The following UGT2B4 variants were observed in gnomAD, a reference collection of about 807,000 sequenced individuals.
The protein encoded by UGT2B4 is UDP-glucuronosyltransferase 2B4.
In UGT2B4, 49 loss-of-function variants were observed where a neutral mutation model predicts 49.8. That is an observed-to-expected ratio of 0.98 (90% CI 0.78 to 1.25). UGT2B4 has a LOEUF of 1.25. UGT2B4 is among the 50% of genes most tolerant of loss of function. UGT2B4 has a pLI of 0.00. For synonymous variants in UGT2B4, 246 were observed against 217.7 expected, an observed-to-expected ratio of 1.13 and a Z score of -1.14; for missense variants, 729 against 627.7, an observed-to-expected ratio of 1.16 and a Z score of -1.73.
chr4:69,501,236 A>G (rs1728311121), intron 1 of UGT2B4, among the ~76,000 whole-genome samples: 1 of 130,298 alleles, frequency 7.7e-6, no homozygotes, highest in Non-Finnish European at 1.6e-5. Flanking sequence ...GAGAGTCCAG[A>G]TGAACTGGGC....
chr4:69,485,691 ATG>A (rs1727761187), intron 4 of UGT2B4, among the ~76,000 whole-genome samples: 1 of 47,094 alleles, frequency 2.1e-5, no homozygotes, highest in Non-Finnish European at 4.6e-5. Context: ...AGGAAACATC[ATG>A]TGCAGAAAAG....
At chr4:69,509,922 A>G (rs1016562257) in intron 1 of UGT2B4, among the ~76,000 whole-genome samples, 2 of 152,126 alleles carry the variant, frequency 1.3e-5, no homozygotes, top group African/African-American at 4.8e-5. Flanking sequence ...ATTCAAAAAA[A>G]TTGTCCAGAC....
intron 1 of UGT2B4, among the ~76,000 whole-genome samples, chr4:69,509,170 A>ATT (rs3075675): frequency 0.023 from 2,716 of 119,716 alleles, 146 homozygotes; most frequent in African/African-American, 0.049. Flanking sequence ...TGGAATTTCT[A>ATT]TTTTTTTTTT....
chr4:69,491,762 A>T (rs1367324168), intron 2 of UGT2B4, among the ~76,000 whole-genome samples: 1 of 151,938 alleles, frequency 6.6e-6, no homozygotes, highest in African/African-American at 2.4e-5. Flanking sequence ...CCTTAATGTG[A>T]GTGGGGAAAT....
chr4:69,509,482 C>G (rs527491642), intron 1 of UGT2B4, among the ~76,000 whole-genome samples: 2 of 152,098 alleles, frequency 1.3e-5, no homozygotes, highest in Non-Finnish European at 2.9e-5. Context: ...TTCTCCATAT[C>G]CAAGCCAACA....
At chr4:69,513,397 TGTG>T (rs1728655472) in intron 1 of UGT2B4, among the ~76,000 whole-genome samples, 1 of 152,134 alleles carries the variant, frequency 6.6e-6, no homozygotes, top group Non-Finnish European at 1.5e-5. Context: ...TGGTTGTAGG[TGTG>T]CAGTCTTATT....
intron 5 of UGT2B4, among the ~76,000 whole-genome samples, chr4:69,482,388 C>A (rs1232176714): frequency 6.6e-6 from 1 of 152,036 alleles, no homozygotes; most frequent in African/African-American, 2.4e-5. Context: ...TGAAACAGCC[C>A]AATAAGGTAA....
chr4:69,503,519 T>C (rs1384648622), intron 1 of UGT2B4, among the ~76,000 whole-genome samples: 1 of 152,096 alleles, frequency 6.6e-6, no homozygotes. Context: ...CCCTCCCCTC[T>C]ACTGACAGCC....
upstream of UGT2B4, among the ~76,000 whole-genome samples, chr4:69,500,228 C>G (rs1728265095): frequency 6.6e-6 from 1 of 152,070 alleles, no homozygotes; most frequent in South Asian, 2.1e-4. Flanking sequence ...GGGAACAACA[C>G]ACACTGGGGC....
At chr4:69,521,276 T>C (rs1271531280) in intron 1 of UGT2B4, among the ~76,000 whole-genome samples, 1 of 152,184 alleles carries the variant, frequency 6.6e-6, no homozygotes, top group Non-Finnish European at 1.5e-5. Flanking sequence ...CTACTTGTCA[T>C]ATTGCAGGTG....
intron 5 of UGT2B4, among the ~76,000 whole-genome samples, chr4:69,484,967 A>G (rs1028142744): frequency 1.3e-5 from 2 of 152,162 alleles, no homozygotes; most frequent in African/African-American, 4.8e-5. Context: ...CTTCTTATCT[A>G]TATCACTTTA....
At chr4:69,509,941 T>C (rs1444296489) in intron 1 of UGT2B4, among the ~76,000 whole-genome samples, 8 of 152,180 alleles carry the variant, frequency 5.3e-5, no homozygotes, top group African/African-American at 9.6e-5. Context: ...ACCAATGTTA[T>C]GAAGCTTTTG....
chr4:69,511,835 A>G (rs1309796473), intron 1 of UGT2B4, among the ~76,000 whole-genome samples: 3 of 152,030 alleles, frequency 2.0e-5, no homozygotes, highest in Non-Finnish European at 4.4e-5. Context: ...CAATCTCCTT[A>G]TTCATTATTG....
At chr4:69,512,857 C>T (rs931704256) in intron 1 of UGT2B4, among the ~76,000 whole-genome samples, 1 of 151,852 alleles carries the variant, frequency 6.6e-6, no homozygotes, top group Non-Finnish European at 1.5e-5. Flanking sequence ...CTTTTTTTCA[C>T]GTTTGTTGGC....
chr4:69,500,070 C>G (rs377500114), upstream of UGT2B4, among the ~76,000 whole-genome samples: 1 of 152,166 alleles, frequency 6.6e-6, no homozygotes, highest in Non-Finnish European at 1.5e-5. Flanking sequence ...AAGACATAAA[C>G]AAGAATGAGA....
intron 2 of UGT2B4, among the ~76,000 whole-genome samples, chr4:69,490,495 C>T (rs1164229657): frequency 6.6e-6 from 1 of 152,020 alleles, no homozygotes; most frequent in African/African-American, 2.4e-5. Context: ...AGTAGATCAC[C>T]CACACTACAT....
intron 1 of UGT2B4, among the ~76,000 whole-genome samples, chr4:69,494,859 A>G (rs911199609): frequency 2.6e-5 from 4 of 152,186 alleles, no homozygotes; most frequent in African/African-American, 7.2e-5. Flanking sequence ...AATGTATAAT[A>G]AAACAGATAT....
At chr4:69,514,600 C>T (rs980105964) in intron 1 of UGT2B4, among the ~76,000 whole-genome samples, 1 of 152,122 alleles carries the variant, frequency 6.6e-6, no homozygotes, top group Non-Finnish European at 1.5e-5. Context: ...GTGGGTTTGT[C>T]ATATATGTCT....
chr4:69,492,233 TG>T (rs1728008350), intron 2 of UGT2B4, among the ~76,000 whole-genome samples: 1 of 152,080 alleles, frequency 6.6e-6, no homozygotes, highest in South Asian at 2.1e-4. Flanking sequence ...GAAGCTTTAC[TG>T]GGTTGCTTGT....
Sources: gnomAD v4.1 joint callset for allele counts (sites outside exome capture counted in the v4.1 genomes callset) on GRCh38, gnomAD v4.1.1 for gene constraint, MANE v1.5 for transcripts, NCBI Gene and HGNC (gene_info 2026-07-23, HGNC 2026-07-21) for gene names.